The following PPP1R1C variants were observed in gnomAD, a reference collection of about 807,000 sequenced individuals.
PPP1R1C encodes protein phosphatase 1 regulatory subunit 1C.
PPP1R1C carries 15 observed loss-of-function variants against 17.4 expected under a neutral mutation model. The ratio of observed to expected loss-of-function variants is 0.86; its 90% CI spans 0.58 to 1.33. PPP1R1C has a LOEUF of 1.33. PPP1R1C is among the 40% of genes most tolerant of loss of function. The pLI is 0.00. For synonymous variants in PPP1R1C, 35 were observed against 43.1 expected, an observed-to-expected ratio of 0.81 and a Z score of 0.73; for missense variants, 143 against 130.0, an observed-to-expected ratio of 1.10 and a Z score of -0.48.
intron 2 of PPP1R1C, among the ~76,000 whole-genome samples, chr2:182,029,385 G>A (rs1452466058): frequency 2.0e-5 from 3 of 151,974 alleles, no homozygotes; most frequent in African/African-American, 7.3e-5. Flanking sequence ...ACTTCCTTCA[G>A]GAGCTCTTTT....
intron 2 of PPP1R1C, among the ~76,000 whole-genome samples, chr2:182,003,709 A>C (rs977435055): frequency 8.4e-6 from 1 of 118,368 alleles, no homozygotes; most frequent in African/African-American, 3.0e-5. Context: ...GTGTGTGTGT[A>C]GTGTGTGTGT....
intron 2 of PPP1R1C, among the ~76,000 whole-genome samples, chr2:182,037,429 A>G (rs1687043962): frequency 6.6e-6 from 1 of 152,154 alleles, no homozygotes; most frequent in Non-Finnish European, 1.5e-5. Flanking sequence ...TCTACTAAAA[A>G]TACAAAAATT....
chr2:182,091,493 A>T (rs1361345063), intron 4 of PPP1R1C, among the ~76,000 whole-genome samples: 1 of 152,126 alleles, frequency 6.6e-6, no homozygotes, highest in African/African-American at 2.4e-5. Context: ...AATAATAAAA[A>T]AAAAAGGTAA....
At chr2:182,125,170 T>C (rs529366929) in intron 5 of PPP1R1C, among the ~76,000 whole-genome samples, 2 of 152,336 alleles carry the variant, frequency 1.3e-5, no homozygotes, top group South Asian at 4.1e-4. Context: ...GTGCTTTTTG[T>C]CATTGGTTCT....
intron 4 of PPP1R1C, among the ~76,000 whole-genome samples, chr2:182,107,306 A>T (rs1689282773): frequency 6.6e-6 from 1 of 152,224 alleles, no homozygotes; most frequent in Non-Finnish European, 1.5e-5. Flanking sequence ...TTTGCCCAGA[A>T]TTCTTCTAAT....
intron 4 of PPP1R1C, among the ~76,000 whole-genome samples, chr2:182,091,606 A>C (rs1297113888): frequency 2.0e-5 from 3 of 152,328 alleles, no homozygotes; most frequent in Admixed American, 2.0e-4. Context: ...ACTGAAGGGA[A>C]GAAGGGAGTA....
upstream of PPP1R1C, among the ~76,000 whole-genome samples, chr2:181,982,600 A>G (rs1685213134): frequency 6.6e-6 from 1 of 152,170 alleles, no homozygotes; most frequent in African/African-American, 2.4e-5. Context: ...TCTTGTGTGG[A>G]GAATCTGAAG....
intron 4 of PPP1R1C, among the ~76,000 whole-genome samples, chr2:182,065,504 G>T (rs528541888): frequency 1.3e-5 from 2 of 152,236 alleles, no homozygotes; most frequent in African/African-American, 4.8e-5. Context: ...TGATACAATT[G>T]CTCTGAAATG....
intron 2 of PPP1R1C, among the ~76,000 whole-genome samples, chr2:181,979,839 T>C (rs1685162756): frequency 6.6e-6 from 1 of 152,228 alleles, no homozygotes; most frequent in South Asian, 2.1e-4. Context: ...TGCAAGACTT[T>C]CTATTTTATT....
At chr2:182,121,052 T>C (rs1309660842), downstream of PPP1R1C, among the ~76,000 whole-genome samples, 1 of 152,186 alleles carries the variant, frequency 6.6e-6, no homozygotes, top group Non-Finnish European at 1.5e-5. Flanking sequence ...CACACAATTA[T>C]AGTTTTCAAA....
intron 2 of PPP1R1C, among the ~76,000 whole-genome samples, chr2:182,026,709 A>C (rs1686625196): frequency 6.6e-6 from 1 of 152,230 alleles, no homozygotes; most frequent in South Asian, 2.1e-4. Context: ...TTTTGGCTCC[A>C]TATGAACTTT....
intron 2 of PPP1R1C, among the ~76,000 whole-genome samples, chr2:182,059,340 C>T (rs148066781): frequency 8.0e-4 from 121 of 151,978 alleles, no homozygotes; most frequent in African/African-American, 2.8e-3. Context: ...TGATTTTGTT[C>T]AACCCTACTC....
At chr2:181,982,095 TA>T (rs1685203879), upstream of PPP1R1C, among the ~76,000 whole-genome samples, 1 of 152,218 alleles carries the variant, frequency 6.6e-6, no homozygotes, top group South Asian at 2.1e-4. Flanking sequence ...GAAAATACAT[TA>T]AAAAGTTTAA....
chr2:182,108,202 T>C (rs1689311627), intron 4 of PPP1R1C, among the ~76,000 whole-genome samples: 1 of 151,700 alleles, frequency 6.6e-6, no homozygotes, highest in Non-Finnish European at 1.5e-5. Context: ...GTTTACTGTA[T>C]TTCAAATATA....
At chr2:182,090,442 A>C (rs1208706380) in intron 4 of PPP1R1C, among the ~76,000 whole-genome samples, 1 of 152,050 alleles carries the variant, frequency 6.6e-6, no homozygotes, top group African/African-American at 2.4e-5. Flanking sequence ...TGTTTTCCCA[A>C]TCTTAAACAA....
chr2:181,986,581 A>C (rs576592729), intron 1 of PPP1R1C, among the ~76,000 whole-genome samples: 5 of 152,370 alleles, frequency 3.3e-5, no homozygotes, highest in Admixed American at 2.0e-4. Flanking sequence ...ATTTAGCAAT[A>C]AAATCATTAA....
In PPP1R1C at chr2:182,117,265, C is replaced by T. The variant is rs1219393086; in HGVS notation, c.300C>T (p.Thr100=). The change falls in exon 5 of 5, where the codon ACC becomes ACT. Residue 100 remains threonine, a synonymous_variant. Coordinates refer to ENST00000682840, the MANE Select transcript of PPP1R1C (RefSeq NM_001080545.3). The part of the protein sequence containing the change: ...ESAFPEEEEG[T]NEREEQRDH ...CATTCCCTGAAGAAGAAGAAGGCAC[C>T]AATGAAAGAGAGGAGCAGCGGGACC... The T allele has an allele frequency of 1.3e-6, 2 of 1,563,780 alleles. No individual in the cohort carries two copies. Among genetic ancestry groups the T allele is most frequent in the African/African-American group, 2.7e-5 (2 of 73,356 alleles).
At chr2:182,039,742 G>A (rs1160322719) in intron 2 of PPP1R1C, among the ~76,000 whole-genome samples, 1 of 152,050 alleles carries the variant, frequency 6.6e-6, no homozygotes, top group East Asian at 1.9e-4. Flanking sequence ...AGATTTTAGT[G>A]CATTTGACAT....
chr2:182,065,358 C>T (rs1281777284), intron 4 of PPP1R1C, among the ~76,000 whole-genome samples: 2 of 151,908 alleles, frequency 1.3e-5, no homozygotes, highest in Non-Finnish European at 2.9e-5. Context: ...TTTACCTGTC[C>T]CTAAGAGCTA....
Sources: allele counts gnomAD v4.1 joint callset (sites outside exome capture counted in the v4.1 genomes callset), GRCh38; gene constraint gnomAD v4.1.1; transcripts MANE v1.5; gene names NCBI Gene and HGNC (gene_info 2026-07-23, HGNC 2026-07-21).